The following ANKRD2 variants were observed in gnomAD, a reference collection of about 807,000 sequenced individuals.
ANKRD2 encodes ankyrin repeat domain-containing protein 2.
In ANKRD2, 35 loss-of-function variants were observed where a neutral mutation model predicts 37.3. The observed-to-expected ratio is 0.94, with a 90% CI of 0.72 to 1.24. ANKRD2 has a LOEUF of 1.24. Among genes scored for constraint, ANKRD2 ranks in the 50% most tolerant of loss-of-function variants. The probability of loss-of-function intolerance (pLI) is 0.00; values close to 1 mark genes in which losing one functional copy is unlikely to be tolerated. For missense variants in ANKRD2, 410 were observed against 445.6 expected (o/e 0.92, Z 0.72); for synonymous variants, 159 against 186.5 (o/e 0.85, Z 1.20).
At position 97,578,369 on chromosome 10, in the gene ANKRD2, C is replaced by A; in HGVS notation, c.319C>A (p.His107Asn). Residue 107 changes from histidine to asparagine, a missense_variant, in exon 3 of 9, where the codon CAT becomes AAT. Physicochemically the swap from His to Asn is moderately conservative, Grantham distance 68 (BLOSUM62 1). Coordinates refer to ENST00000370655, the MANE Select transcript of ANKRD2 (RefSeq NM_001346793.2). ...GAAGCGGGACGCTCTGGCCGCCTCGCATGAGCCGCCCCCAGAGCCCGAGGA... is the reference window on the plus strand; with the variant it reads ...GAAGCGGGACGCTCTGGCCGCCTCGAATGAGCCGCCCCCAGAGCCCGAGGA... ...QKKRDALAASHEPPPEPEEIT... is the reference protein window; with the variant it reads ...QKKRDALAASNEPPPEPEEIT... 1 of 1,613,790 alleles carries A rather than the reference C, an allele frequency of 6.2e-7. No individual in the cohort carries two copies. The highest frequency in any genetic ancestry group is 2.2e-5 in the East Asian group (1 of 44,838).
intron 1 of ANKRD2, among the ~76,000 whole-genome samples, chr10:97,575,201 C>T (rs2040810563): frequency 6.6e-6 from 1 of 152,000 alleles, no homozygotes; most frequent in South Asian, 2.1e-4. Context: ...GCATTAGAGT[C>T]CCCAGTTGTC....
Position 97,578,584 on chromosome 10 carries a change from G to C in ANKRD2, c.435G>C (p.Gly145=), listed in dbSNP as rs919298719. The change falls in exon 4 of 9, where the codon GGG becomes GGC. Residue 145 remains glycine, a synonymous_variant. Coordinates refer to ENST00000370655, the MANE Select transcript of ANKRD2 (RefSeq NM_001346793.2). ...KVIEKFLADG[G]SADTCDQFRR... ...TTGAGAAGTTCCTGGCTGACGGGGGGTCAGCCGACACGTGCGACCAGGTGA... is the reference window on the plus strand; with the variant it reads ...TTGAGAAGTTCCTGGCTGACGGGGGCTCAGCCGACACGTGCGACCAGGTGA... 1 of 1,560,076 alleles carries C rather than the reference G, an allele frequency of 6.4e-7. No individual in the cohort carries two copies. Among genetic ancestry groups the C allele is most frequent in the Non-Finnish European group, 8.7e-7 (1 of 1,151,774 alleles).
chr10:97,578,467 C>T (rs1364079198), intron 3 of ANKRD2, 31 bp from the exon 4 acceptor site: 5 of 1,597,810 alleles, frequency 3.1e-6, no homozygotes, highest in East Asian at 2.3e-5. Flanking sequence ...ATTGCTGGGA[C>T]GGCCCGTGAC....
intron 1 of ANKRD2, among the ~76,000 whole-genome samples, chr10:97,573,682 C>T (rs2040788679): frequency 6.6e-6 from 1 of 152,142 alleles, no homozygotes; most frequent in South Asian, 2.1e-4. Flanking sequence ...CCACCTTGGC[C>T]TCCCAAAGTA....
Position 97,578,185 on chromosome 10 carries a change from C to T in ANKRD2, c.190-55C>T. The T allele has an allele frequency of 3.8e-6, 6 of 1,567,118 alleles. No individual in the cohort carries two copies. In the South Asian group the frequency reaches 6.9e-5, roughly 18 times the overall value. ...CCACCAGCTTAGCTCAGAGGTCTCC[C>T]AAGCCCCCCAAACTCTCTGCCCGGC... On this transcript the variant is annotated intron_variant, in intron 2 of 8. Coordinates refer to ENST00000370655, the MANE Select transcript of ANKRD2 (RefSeq NM_001346793.2).
intron 8 of ANKRD2, among the ~76,000 whole-genome samples, chr10:97,583,103 T>C (rs1189923124): frequency 6.6e-6 from 1 of 152,120 alleles, no homozygotes; most frequent in Admixed American, 6.5e-5. Context: ...TCTTAGGATC[T>C]AGGCAGGAAG....
Position 97,579,211 on chromosome 10 carries a change from A to G in ANKRD2, c.456+606A>G, listed in dbSNP as rs142852169. On this transcript the variant is annotated intron_variant, in intron 4 of 8. Transcript: ENST00000370655. Reference sequence around the variant, plus strand: ...TTGGTAAAAGGAAAAAAGGAATATTAGCACCTCAGTAACTCAGTATTCACT... The same window carrying G: ...TTGGTAAAAGGAAAAAAGGAATATTGGCACCTCAGTAACTCAGTATTCACT... Among the ~76,000 whole-genome samples, 217 of 152,016 alleles carry G rather than the reference A, an allele frequency of 1.4e-3. 2 individuals are homozygous for G. The highest frequency in any genetic ancestry group is 5.1e-3 in the African/African-American group (210 of 41,492).
chr10:97,572,761 C>T (rs141100599), upstream of ANKRD2: 23 of 1,602,926 alleles, frequency 1.4e-5, no homozygotes, highest in African/African-American at 1.3e-4. Context: ...ATAAAGCCCC[C>T]GAGGCCCTGT....
At chr10:97,582,465 G>C in intron 7 of ANKRD2, 52 bp downstream of exon 7, 1 of 1,595,394 alleles carries the variant, frequency 6.3e-7, no homozygotes, top group Non-Finnish European at 8.6e-7. Flanking sequence ...TGGGCAGCCT[G>C]CGGGCCCCTA....
At chr10:97,577,457 G>A (rs73332749) in intron 1 of ANKRD2, among the ~76,000 whole-genome samples, 2,274 of 152,290 alleles carry the variant, frequency 0.015, 52 homozygotes, top group African/African-American at 0.053. Flanking sequence ...TGCCAAAAAA[G>A]TAAAGAAAAA....
At chr10:97,574,911 G>GTCTGCC (rs1405839816) in intron 1 of ANKRD2, among the ~76,000 whole-genome samples, 2,269 of 152,300 alleles carry the variant, frequency 0.015, 53 homozygotes, top group African/African-American at 0.052. Flanking sequence ...TAGACACACA[G>GTCTGCC]ACCTTCAGCA....
At chr10:97,582,493 C>A in intron 7 of ANKRD2, 80 bp downstream of exon 7, 1 of 1,578,630 alleles carries the variant, frequency 6.3e-7, no homozygotes, top group Non-Finnish European at 8.7e-7. Flanking sequence ...TGTCCTTCCT[C>A]CTGGGGCCTT....
Position 97,578,616 on chromosome 10 carries a change from T to C in ANKRD2, c.456+11T>C, listed in dbSNP as rs771934502. 4 of 1,542,182 alleles carry C rather than the reference T, an allele frequency of 2.6e-6. No homozygotes were observed. Among genetic ancestry groups the C allele is most frequent in the Non-Finnish European group, 2.6e-6 (3 of 1,140,948 alleles). ...GACACGTGCGACCAGGTGATGCTCC[T>C]AGCCGCCCCTGACCAGCCTCCCTGT... On this transcript the variant is annotated intron_variant, in intron 4 of 8. Coordinates refer to ENST00000370655, the MANE Select transcript of ANKRD2 (RefSeq NM_001346793.2).
intron 6 of ANKRD2, 87 bp downstream of exon 6, chr10:97,581,501 C>T: frequency 1.5e-6 from 2 of 1,347,480 alleles, no homozygotes; most frequent in South Asian, 1.3e-5. Context: ...GCCTAGGGGG[C>T]AGGAAGGTAG....
chr10:97,583,597 C>T lies in ANKRD2; in HGVS notation c.874C>T (p.Leu292=). Residue 292 remains leucine (L), a synonymous_variant, in exon 9 of 9, where the codon CTG becomes TTG. Coordinates refer to ENST00000370655, the MANE Select transcript of ANKRD2 (RefSeq NM_001346793.2). ...CCAGGCAGGAAAGACCCCGACGGAC[C>T]TGGTGCAGCTCTGGCAGGCTGATAC... The part of the protein sequence containing the change: ...KNLAGKTPTD[L]VQLWQADTRH... 1 of 1,605,128 alleles carries T rather than the reference C, an allele frequency of 6.2e-7. No individual in the cohort carries two copies. The highest frequency in any genetic ancestry group is 1.1e-5 in the South Asian group (1 of 89,220).
chr10:97,575,634 G>A (rs950504457), intron 1 of ANKRD2, among the ~76,000 whole-genome samples: 1 of 152,200 alleles, frequency 6.6e-6, no homozygotes, highest in Non-Finnish European at 1.5e-5. Flanking sequence ...TTATAGCCGG[G>A]TGCAGTAGCT....
chr10:97,578,144 G>GGGCCCCCCCCCCCA, intron 2 of ANKRD2, 96 bp from the exon 3 acceptor site: 3 of 685,438 alleles, frequency 4.4e-6, no homozygotes, highest in Non-Finnish European at 7.5e-6. Context: ...GGGTCTTCCT[G>GGGCCCCCCCCCCCA]CCCACCCCAC....
chr10:97,572,975 G>A, intron 1 of ANKRD2, 100 bp downstream of exon 1: 1 of 1,443,658 alleles, frequency 6.9e-7, no homozygotes, highest in Non-Finnish European at 9.3e-7. Flanking sequence ...GTGGGGAGGG[G>A]GGCAGATGTC....
At chr10:97,583,461 T>C (rs2040928885) in intron 8 of ANKRD2, 115 bp from the exon 9 acceptor site, 2 of 1,001,296 alleles carry the variant, frequency 2.0e-6, no homozygotes, top group East Asian at 5.9e-5. Flanking sequence ...CAATGCCAGT[T>C]GCCCCCATTT....
Sources: gnomAD v4.1 joint callset for allele counts (sites outside exome capture counted in the v4.1 genomes callset) on GRCh38, gnomAD v4.1.1 for gene constraint, MANE v1.5 for transcripts, NCBI Gene and HGNC (gene_info 2026-07-23, HGNC 2026-07-21) for gene names.